GPR158: variants seen among roughly 807,000 people sequenced by gnomAD.
GPR158 encodes metabotropic glycine receptor.
GPR158 carries 30 observed loss-of-function variants against 78.2 expected under a neutral mutation model. That is an observed-to-expected ratio of 0.38 (90% CI 0.29 to 0.52). The LOEUF (loss-of-function observed/expected upper bound fraction) is 0.52. Among genes scored for constraint, GPR158 ranks in the 20% least tolerant of loss-of-function variants. The pLI is 0.83. For synonymous variants in GPR158, 581 were observed against 591.1 expected (o/e 0.98, Z 0.25); for missense variants, 1,463 against 1,523.5 (o/e 0.96, Z 0.66).
rs549908744 is a variant in GPR158, at chr10:25,523,647, C to T, written c.1405-27329C>T. Among the ~76,000 whole-genome samples, 150 of 152,172 alleles carry T rather than the reference C, an allele frequency of 9.9e-4. 1 individual carries two copies. Among genetic ancestry groups the T allele is most frequent in the African/African-American group, 3.3e-3 (136 of 41,516 alleles). ...ATTTAATCAAAATATTTGGAGACTT[C>T]GGTACCCTACTTTTTGTAATGAATA... is the stretch of plus-strand genomic sequence containing the variant. On this transcript the variant is annotated intron_variant, in intron 5 of 10. Transcript: ENST00000376351.
At chr10:25,513,388 T>C (rs1836111652) in intron 5 of GPR158, among the ~76,000 whole-genome samples, 1 of 152,068 alleles carries the variant, frequency 6.6e-6, no homozygotes, top group Non-Finnish European at 1.5e-5. Flanking sequence ...CTTTCATTTC[T>C]AATTGAGCTT....
intron 5 of GPR158, among the ~76,000 whole-genome samples, chr10:25,483,253 T>C (rs1373896305): frequency 6.6e-6 from 1 of 152,086 alleles, no homozygotes; most frequent in Non-Finnish European, 1.5e-5. Context: ...CATGATCTGC[T>C]CCTGTAACAC....
chr10:25,250,874 C>T (rs1394820681), intron 2 of GPR158, among the ~76,000 whole-genome samples: 1 of 151,464 alleles, frequency 6.6e-6, no homozygotes, highest in Admixed American at 6.6e-5. Context: ...TCCTTGTTGA[C>T]TTTCTGTCTC....
chr10:25,374,296 A>G (rs1312228546), intron 2 of GPR158, among the ~76,000 whole-genome samples: 2 of 151,534 alleles, frequency 1.3e-5, no homozygotes, highest in Non-Finnish European at 3.0e-5. Context: ...TGCAGAAGAT[A>G]TAGAGGGAGG....
chr10:25,177,301 A>T (rs1000635414), intron 1 of GPR158, among the ~76,000 whole-genome samples: 1 of 152,168 alleles, frequency 6.6e-6, no homozygotes, highest in Non-Finnish European at 1.5e-5. Context: ...GATGTGAGGA[A>T]GGAACTGAAA....
chr10:25,432,808 C>T (rs571058797), intron 4 of GPR158, among the ~76,000 whole-genome samples: 1 of 152,262 alleles, frequency 6.6e-6, no homozygotes, highest in South Asian at 2.1e-4. Flanking sequence ...TGAACATCTC[C>T]TCATTGCTTG....
chr10:25,487,892 T>C (rs1835755681), intron 5 of GPR158, among the ~76,000 whole-genome samples: 1 of 152,206 alleles, frequency 6.6e-6, no homozygotes. Flanking sequence ...GTAAATTAAA[T>C]AAACTAACCA....
intron 2 of GPR158, among the ~76,000 whole-genome samples, chr10:25,229,452 T>G (rs1853419389): frequency 6.6e-6 from 1 of 152,212 alleles, no homozygotes; most frequent in South Asian, 2.1e-4. Flanking sequence ...ATTTTAACAC[T>G]AACGATGGCT....
At chr10:25,188,082 T>G (rs1443433516) in intron 1 of GPR158, among the ~76,000 whole-genome samples, 1 of 152,180 alleles carries the variant, frequency 6.6e-6, no homozygotes, top group Admixed American at 6.5e-5. Context: ...ACAAGGGATG[T>G]GAAGGACCTC....
At chr10:25,338,607 TA>T (rs1000194913) in intron 2 of GPR158, among the ~76,000 whole-genome samples, 1 of 146,956 alleles carries the variant, frequency 6.8e-6, no homozygotes, top group African/African-American at 2.5e-5. Flanking sequence ...TTATTATATA[TA>T]AAAAATCATA....
chr10:25,404,817 G>A (rs986514185), intron 3 of GPR158, among the ~76,000 whole-genome samples: 1 of 152,078 alleles, frequency 6.6e-6, no homozygotes, highest in South Asian at 2.1e-4. Flanking sequence ...AATCACAATG[G>A]CATGTGGCTT....
At chr10:25,221,384 T>G (rs1352284754) in intron 2 of GPR158, among the ~76,000 whole-genome samples, 1 of 152,206 alleles carries the variant, frequency 6.6e-6, no homozygotes, top group Non-Finnish European at 1.5e-5. Context: ...ATCTGAAGTT[T>G]GACTTTAGTC....
At chr10:25,502,888 A>G (rs1175933959) in intron 5 of GPR158, among the ~76,000 whole-genome samples, 1 of 152,234 alleles carries the variant, frequency 6.6e-6, no homozygotes, top group Non-Finnish European at 1.5e-5. Context: ...AAAGGGCACC[A>G]AACACAGGAT....
intron 5 of GPR158, among the ~76,000 whole-genome samples, chr10:25,484,878 T>C (rs1400903326): frequency 6.6e-6 from 1 of 152,162 alleles, no homozygotes; most frequent in Non-Finnish European, 1.5e-5. Context: ...AATTTTTCAG[T>C]TAATTAAAAG....
At position 25,195,002 on chromosome 10, in the gene GPR158, C is replaced by T. The variant is rs1295346922; in HGVS notation, c.902+18680C>T. Among the ~76,000 whole-genome samples, 8 of 152,106 alleles carry T rather than the reference C, an allele frequency of 5.3e-5. No homozygotes were observed. In the South Asian group the frequency reaches 6.2e-4, roughly 12 times the overall value. ...CTCTAAGAATTGACAGATAAATAAT[C>T]GGATCCTGCCATTTTAAGAATCTTC... is the stretch of plus-strand genomic sequence containing the variant. On this transcript the variant is annotated intron_variant, in intron 1 of 10. Coordinates refer to ENST00000376351, the MANE Select transcript of GPR158 (RefSeq NM_020752.3).
In GPR158 at chr10:25,175,628, T is replaced by C. The variant is rs1431888101; in HGVS notation, c.208T>C (p.Leu70=). ...GAGCCGCTCCACCGATGGCACCATC[T>C]TGGCGCAGAAACTCGCCGAGGAGGT... ...PWSRSTDGTI[L]AQKLAEEVPM... The change falls in exon 1 of 11, where the codon TTG becomes CTG. Residue 70 remains leucine (L), a synonymous_variant. Transcript: ENST00000376351. The surrounding 1 kb of genome is among the most constrained non-coding windows in gnomAD (Gnocchi z 6.4). 2.5e-6 allele frequency: 4 copies of C among 1,611,160 alleles called. No individual in the cohort carries two copies. The highest frequency in any genetic ancestry group is 2.7e-5 in the African/African-American group (2 of 74,930).
At chr10:25,503,466 T>A (rs1381532829) in intron 5 of GPR158, among the ~76,000 whole-genome samples, 2 of 152,218 alleles carry the variant, frequency 1.3e-5, no homozygotes, top group African/African-American at 4.8e-5. Context: ...TAACAGATTC[T>A]GCATTATTAA....
chr10:25,517,345 T>C (rs1418360895), intron 5 of GPR158, among the ~76,000 whole-genome samples: 2 of 152,218 alleles, frequency 1.3e-5, no homozygotes, highest in Admixed American at 6.5e-5. Context: ...CCTCTTTTCC[T>C]AACTGAATAC....
At chr10:25,434,554 C>G (rs1564454972) in intron 4 of GPR158, among the ~76,000 whole-genome samples, 1 of 152,060 alleles carries the variant, frequency 6.6e-6, no homozygotes, top group Non-Finnish European at 1.5e-5. Flanking sequence ...AAATTAATGC[C>G]TTCATTAATC....
Sources: gnomAD v4.1 joint callset for allele counts (sites outside exome capture counted in the v4.1 genomes callset) on GRCh38, gnomAD v4.1.1 for gene constraint, Gnocchi (gnomAD v3.1) non-coding constraint, MANE v1.5 for transcripts, NCBI Gene and HGNC (gene_info 2026-07-23, HGNC 2026-07-21) for gene names.